JAZF1: variants seen among roughly 807,000 people sequenced by gnomAD.
The protein encoded by JAZF1 is JAZF zinc finger 1, also known as juxtaposed with another zinc finger protein 1.
In JAZF1, 8 loss-of-function variants were observed where a neutral mutation model predicts 26.4. The observed-to-expected ratio is 0.30, with a 90% confidence interval of 0.18 to 0.55. JAZF1 has a LOEUF of 0.55. Among genes scored for constraint, JAZF1 ranks in the 20% least tolerant of loss-of-function variants. The pLI is 0.94. For synonymous variants in JAZF1, 126 were observed against 122.3 expected (o/e 1.03, Z -0.20); for missense variants, 199 against 322.0 (o/e 0.62, Z 2.92).
intron 1 of JAZF1, among the ~76,000 whole-genome samples, chr7:28,178,831 G>C (rs1024701575): frequency 6.6e-6 from 1 of 152,170 alleles, no homozygotes. Context: ...TTACAAGGAC[G>C]CCTGAAAACT....
chr7:27,866,117 C>G (rs555403783), intron 3 of JAZF1, among the ~76,000 whole-genome samples: 1 of 152,340 alleles, frequency 6.6e-6, no homozygotes, highest in East Asian at 1.9e-4. Flanking sequence ...GAGGGCAGCA[C>G]TGCCGGCACT....
At chr7:27,884,632 TA>T (rs1227860005) in intron 3 of JAZF1, among the ~76,000 whole-genome samples, 1 of 152,226 alleles carries the variant, frequency 6.6e-6, no homozygotes, top group East Asian at 1.9e-4. Flanking sequence ...GTGTCAGGCT[TA>T]ACTTGCTCAG....
chr7:27,900,705 CT>C (rs1562523611), intron 2 of JAZF1, among the ~76,000 whole-genome samples: 1 of 152,100 alleles, frequency 6.6e-6, no homozygotes, highest in Non-Finnish European at 1.5e-5. Flanking sequence ...AGAAAGTCTT[CT>C]TTTTTAAAAT....
intron 2 of JAZF1, among the ~76,000 whole-genome samples, chr7:27,912,389 T>C (rs1692834673): frequency 6.6e-6 from 1 of 152,190 alleles, no homozygotes; most frequent in Non-Finnish European, 1.5e-5. Context: ...GGAATTTTAC[T>C]TGGGTAAGAC....
At position 27,953,296 on chromosome 7, in the gene JAZF1, A is replaced by G. The variant is rs1346421722; in HGVS notation, c.188+38613T>C. 3.3e-5 allele frequency among the ~76,000 whole-genome samples: 5 copies of G among 152,228 alleles called. No homozygotes were observed. The East Asian group carries it at 9.6e-4, about 29-fold the overall frequency. On this transcript the variant is annotated intron_variant, in intron 2 of 4. Coordinates refer to ENST00000283928, the MANE Select transcript of JAZF1 (RefSeq NM_175061.4). ...CATTTTAAGGGGTAGGCTTTTTGTT[A>G]ACTATAGCCAAGAGGTAAAAATAGT...
chr7:28,017,415 C>T (rs1782914219), intron 1 of JAZF1, among the ~76,000 whole-genome samples: 1 of 151,526 alleles, frequency 6.6e-6, no homozygotes. Flanking sequence ...TCAGCTAGAT[C>T]CTCTATGTTC....
At chr7:28,044,702 A>T (rs1008296607) in intron 1 of JAZF1, among the ~76,000 whole-genome samples, 5 of 152,216 alleles carry the variant, frequency 3.3e-5, no homozygotes, top group African/African-American at 1.2e-4. Flanking sequence ...AGGCAGCTAT[A>T]GTAATGAAAA....
chr7:27,888,099 A>G (rs140039615), intron 3 of JAZF1, among the ~76,000 whole-genome samples: 234 of 152,326 alleles, frequency 1.5e-3, no homozygotes, highest in African/African-American at 5.3e-3. Flanking sequence ...CCAGCTACAA[A>G]AGCGGGTATT....
intron 1 of JAZF1, among the ~76,000 whole-genome samples, chr7:28,137,847 C>T (rs1009291278): frequency 6.6e-6 from 1 of 152,162 alleles, no homozygotes; most frequent in Non-Finnish European, 1.5e-5. Context: ...GACACTCTTC[C>T]AAGAACTTTC....
intron 3 of JAZF1, among the ~76,000 whole-genome samples, chr7:27,852,743 C>T (rs1783174692): frequency 6.6e-6 from 1 of 152,190 alleles, no homozygotes; most frequent in Non-Finnish European, 1.5e-5. Context: ...TTCACCTGTT[C>T]TGATATTATA....
At chr7:28,113,720 G>T (rs567339794) in intron 1 of JAZF1, among the ~76,000 whole-genome samples, 1 of 152,276 alleles carries the variant, frequency 6.6e-6, no homozygotes, top group Admixed American at 6.5e-5. Context: ...ACTACGTAGT[G>T]ACAGTCCTAG....
At chr7:27,857,505 G>A (rs904913636) in intron 3 of JAZF1, among the ~76,000 whole-genome samples, 4 of 152,240 alleles carry the variant, frequency 2.6e-5, no homozygotes, top group African/African-American at 4.8e-5. Context: ...CAGAGTGGGC[G>A]CCAAGGCTGA....
At chr7:28,156,250 C>T (rs1364814790) in intron 1 of JAZF1, among the ~76,000 whole-genome samples, 1 of 152,196 alleles carries the variant, frequency 6.6e-6, no homozygotes, top group African/African-American at 2.4e-5. Flanking sequence ...GTCACTGGGT[C>T]AAGGCTGTAG....
At chr7:27,907,223 GTA>G (rs1784274367) in intron 2 of JAZF1, among the ~76,000 whole-genome samples, 2 of 152,108 alleles carry the variant, frequency 1.3e-5, no homozygotes, top group Admixed American at 6.6e-5. Flanking sequence ...TAAAACAGAG[GTA>G]ATCCTAACAC....
chr7:28,081,273 A>T (rs1784132534), intron 1 of JAZF1, among the ~76,000 whole-genome samples: 1 of 152,204 alleles, frequency 6.6e-6, no homozygotes, highest in Non-Finnish European at 1.5e-5. Context: ...CATAACGATG[A>T]GGAAGCCACA....
At chr7:28,065,989 T>G (rs1783874669) in intron 1 of JAZF1, among the ~76,000 whole-genome samples, 1 of 152,070 alleles carries the variant, frequency 6.6e-6, no homozygotes, top group Admixed American at 6.6e-5. Flanking sequence ...AAGAGCACAG[T>G]TAAATGTTCA....
intron 1 of JAZF1, among the ~76,000 whole-genome samples, chr7:27,993,530 G>A (rs1785949359): frequency 6.6e-6 from 1 of 152,154 alleles, no homozygotes; most frequent in Non-Finnish European, 1.5e-5. Flanking sequence ...CTTGCTGGAG[G>A]AGACAGTAGA....
chr7:27,913,881 TA>T (rs1784402503), intron 2 of JAZF1, among the ~76,000 whole-genome samples: 1 of 152,238 alleles, frequency 6.6e-6, no homozygotes, highest in Non-Finnish European at 1.5e-5. Flanking sequence ...ACGTGCTAGT[TA>T]TATGCCTGTG....
At chr7:27,895,799 C>T (rs1334575576) in intron 2 of JAZF1, among the ~76,000 whole-genome samples, 2 of 152,246 alleles carry the variant, frequency 1.3e-5, no homozygotes, top group Non-Finnish European at 2.9e-5. Context: ...CCTAAGTAGA[C>T]AGTGCTTCCT....
Sources: allele counts gnomAD v4.1 joint callset (sites outside exome capture counted in the v4.1 genomes callset), GRCh38; gene constraint gnomAD v4.1.1; transcripts MANE v1.5; gene names NCBI Gene and HGNC (gene_info 2026-07-23, HGNC 2026-07-21).